SCNM1: variants seen among roughly 807,000 people sequenced by gnomAD.
The protein encoded by SCNM1 is sodium channel modifier 1.
SCNM1 carries 24 observed loss-of-function variants against 32.8 expected under a neutral mutation model. The observed-to-expected ratio is 0.73, with a 90% CI of 0.53 to 1.03. The LOEUF is 1.03. Among genes scored for constraint, SCNM1 ranks in the 50% least tolerant of loss-of-function variants. SCNM1 has a pLI of 0.00. For missense variants in SCNM1, 274 were observed against 282.3 expected (o/e 0.97, Z 0.21); for synonymous variants, 99 against 103.2 (o/e 0.96, Z 0.25).
Position 151,169,286 on chromosome 1 carries a change from C to A in SCNM1, c.*201C>A. The A allele has an allele frequency of 3.9e-6, 2 of 513,682 alleles. No homozygotes were observed. Among genetic ancestry groups the A allele is most frequent in the South Asian group, 5.5e-5 (2 of 36,342 alleles). 31.8% of individuals were successfully genotyped at this position (513,682 alleles called of 1,614,324 possible). On this transcript the variant is annotated 3_prime_UTR_variant, in exon 7 of 7. Coordinates refer to ENST00000368905, the MANE Select transcript of SCNM1 (RefSeq NM_024041.4). ...TTGAGGCAGAGTCTCGCTCTATCGC[C>A]CAGGCTGGAGTGCAGTGGCACGATC...
At chr1:151,166,752 T>G (rs1304734796) in intron 2 of SCNM1, 182 bp from the exon 3 acceptor site, 25 of 1,220,192 alleles carry the variant, frequency 2.0e-5, no homozygotes, top group Non-Finnish European at 8.9e-6. Context: ...CTTTTGTTAT[T>G]AATTAGGACA....
intron 2 of SCNM1, 27 bp from the exon 3 acceptor site, chr1:151,166,907 C>CT: frequency 1.2e-6 from 2 of 1,613,590 alleles, no homozygotes; most frequent in Non-Finnish European, 1.7e-6. Flanking sequence ...CCCTGGACCA[C>CT]TTATCCTCTT....
intron 6 of SCNM1, 43 bp from the exon 7 acceptor site, chr1:151,168,943 A>G (rs1474537151): frequency 1.2e-6 from 2 of 1,610,920 alleles, no homozygotes; most frequent in Admixed American, 3.3e-5. Context: ...ACTTCTTAAT[A>G]AGCCTCTTTC....
At position 151,167,232 on chromosome 1, in the gene SCNM1, G is replaced by A. The variant is rs752505861; in HGVS notation, c.309+14G>A. ...ACCAAAGCTGAGGTAATCAGAGAGT[G>A]GAGAGTGTGTTCTAGGCAAGACCCT... On this transcript the variant is annotated intron_variant, in intron 4 of 6. Coordinates refer to ENST00000368905, the MANE Select transcript of SCNM1 (RefSeq NM_024041.4). 1.2e-6 allele frequency: 2 copies of A among 1,614,160 alleles called. No individual in the cohort carries two copies. Among genetic ancestry groups the A allele is most frequent in the Non-Finnish European group, 1.7e-6 (2 of 1,180,018 alleles).
At chr1:151,166,758 G>A (rs944817320) in intron 2 of SCNM1, 176 bp from the exon 3 acceptor site, 21 of 1,228,102 alleles carry the variant, frequency 1.7e-5, no homozygotes, top group Non-Finnish European at 2.2e-5. Flanking sequence ...TTATTAATTA[G>A]GACAGCAGGA....
intron 6 of SCNM1, 104 bp downstream of exon 6, chr1:151,168,442 C>T: frequency 7.0e-7 from 1 of 1,421,922 alleles, no homozygotes; most frequent in Non-Finnish European, 9.2e-7. Context: ...GAGTTTCACT[C>T]TTGTTGCCCC....
rs1254980551 is a variant in SCNM1, at chr1:151,168,157, G to A, written c.412G>A (p.Gly138Ser). The change falls in exon 6 of 7, where the codon GGT (glycine) becomes AGT (serine). Residue 138 changes from glycine (G) to serine (S), a missense_variant. Transcript: ENST00000368905. ...CRRKYRPEAP[G>S]PSVSLSPMPP... ...TTCTCTACCTAGACCAGAAGCCCCT[G>A]GTCCCTCTGTCTCCCTTTCCCCTAT... The A allele has an allele frequency of 6.2e-7, 1 of 1,612,796 alleles. No individual in the cohort carries two copies. The highest frequency in any genetic ancestry group is 1.7e-5 in the Admixed American group (1 of 59,732).
Position 151,169,999 on chromosome 1 carries a change from C to T in SCNM1, c.*914C>T. ...GAGGCAGGCAAAATGGATAGAAGGG[C>T]TTTTATTTACAGGAAAGGAGGACAG... is the stretch of plus-strand genomic sequence containing the variant. On this transcript the variant is annotated 3_prime_UTR_variant, in exon 7 of 7. Coordinates refer to ENST00000368905, the MANE Select transcript of SCNM1 (RefSeq NM_024041.4). 6.4e-7 allele frequency: 1 copy of T among 1,551,590 alleles called. No homozygotes were observed. The highest frequency in any genetic ancestry group is 8.9e-7 in the Non-Finnish European group (1 of 1,124,438).
At chr1:151,167,525 A>C (rs767996245) in intron 5 of SCNM1, 111 bp downstream of exon 5, 2 of 1,471,206 alleles carry the variant, frequency 1.4e-6, no homozygotes, top group Non-Finnish European at 1.9e-6. Flanking sequence ...GATGTTACTT[A>C]GTGTTTCAAG....
intron 5 of SCNM1, 73 bp from the exon 6 acceptor site, chr1:151,168,071 T>C: frequency 3.5e-6 from 5 of 1,440,548 alleles, no homozygotes; most frequent in Non-Finnish European, 3.7e-6. Flanking sequence ...AAGCACTGTT[T>C]TAAGAGGTTG....
chr1:151,169,466 G>A lies in SCNM1; in HGVS notation c.*381G>A, dbSNP rs1268850906. On this transcript the variant is annotated 3_prime_UTR_variant, in exon 7 of 7. Transcript: ENST00000368905. ...TCACTGTGTTAGCCAGGATGGTCTC[G>A]ATCTCCTGACCTCGTGATCCGCCCA... 1.7e-5 allele frequency: 3 copies of A among 174,548 alleles called. No homozygotes were observed. Among genetic ancestry groups the A allele is most frequent in the Non-Finnish European group, 3.7e-5 (3 of 80,582 alleles). The allele number at this position is 174,548 out of a possible 1,614,324, so 10.8% of individuals were successfully genotyped here.
chr1:151,167,903 C>G, intron 5 of SCNM1: 1 of 424,448 alleles, frequency 2.4e-6, no homozygotes, highest in Non-Finnish European at 4.1e-6. Context: ...GGAAATGGCA[C>G]TTTGTAATTC....
chr1:151,169,727 A>G lies in SCNM1; in HGVS notation c.*642A>G, dbSNP rs41299609. The G allele has an allele frequency of 0.012, 3,624 of 300,050 alleles. 77 individuals carry two copies. The highest frequency in any genetic ancestry group is 0.049 in the African/African-American group (2,257 of 46,372). 18.6% of individuals were successfully genotyped at this position (300,050 alleles called of 1,614,324 possible). A position where few individuals can be genotyped will look rare whatever the true frequency, so the allele number is the denominator to read the frequency against. On this transcript the variant is annotated 3_prime_UTR_variant, in exon 7 of 7. Coordinates refer to ENST00000368905, the MANE Select transcript of SCNM1 (RefSeq NM_024041.4). ...CCCCTTCAAATCACATAAGGACTGC[A>G]GGTAGGCACTAGGGGGACCTGGCCA...
intron 2 of SCNM1, 127 bp downstream of exon 2, chr1:151,166,668 A>G (rs1044168216): frequency 4.2e-6 from 6 of 1,438,764 alleles, no homozygotes; most frequent in Non-Finnish European, 5.6e-6. Flanking sequence ...TCTAGGGCTC[A>G]AGTGATCCTG....
Position 151,166,144 on chromosome 1 carries a change from A to G in SCNM1, c.-9A>G, listed in dbSNP as rs1377486800. 1 of 1,593,530 alleles carries G rather than the reference A, an allele frequency of 6.3e-7. No homozygotes were observed. Among genetic ancestry groups the G allele is most frequent in the Admixed American group, 1.7e-5 (1 of 58,686 alleles). Reference sequence around the variant, plus strand: ...AGAGAATTTATCACTTCTGGGACTCACAGTCGTGATGTCTTTCAAGAGGGA... The same window carrying G: ...AGAGAATTTATCACTTCTGGGACTCGCAGTCGTGATGTCTTTCAAGAGGGA... On this transcript the variant is annotated 5_prime_UTR_variant, in exon 1 of 7. Transcript: ENST00000368905.
At chr1:151,166,764 C>A in intron 2 of SCNM1, 170 bp from the exon 3 acceptor site, 1 of 1,235,488 alleles carries the variant, frequency 8.1e-7, no homozygotes. Flanking sequence ...ATTAGGACAG[C>A]AGGAGTACCT....
rs1204773832 is a variant in SCNM1 at position 151,167,328 on chromosome 1, T to C, written c.312T>C (p.Ala104=). The C allele has an allele frequency of 1.2e-6, 2 of 1,613,922 alleles. No individual in the cohort carries two copies. The highest frequency in any genetic ancestry group is 2.7e-5 in the African/African-American group (2 of 74,874). The change falls in exon 5 of 7, where the codon GCT becomes GCC. Residue 104 remains alanine (A), a splice_region_variant and synonymous_variant. Coordinates refer to ENST00000368905, the MANE Select transcript of SCNM1 (RefSeq NM_024041.4). Reference sequence around the variant, plus strand: ...TCTGTCTCCCATCTCCTTACCAGGCTCCTCTGCTAACTCAGACACGACTTA... The same window carrying C: ...TCTGTCTCCCATCTCCTTACCAGGCCCCTCTGCTAACTCAGACACGACTTA... ...ELRREETKAE[A]PLLTQTRLIT...
chr1:151,170,064 T>C lies in SCNM1; in HGVS notation c.*979T>C, dbSNP rs376422564. On this transcript the variant is annotated 3_prime_UTR_variant, in exon 7 of 7. Coordinates refer to ENST00000368905, the MANE Select transcript of SCNM1 (RefSeq NM_024041.4). ...GTCCAGTGCTCCCAGCGCTAGTTGGTAAAGGGAAATGCAGTGTTATCTCTT... is the reference window on the plus strand; with the variant it reads ...GTCCAGTGCTCCCAGCGCTAGTTGGCAAAGGGAAATGCAGTGTTATCTCTT... The C allele has an allele frequency of 5.8e-4, 930 of 1,614,050 alleles. 3 individuals carry two copies. Among genetic ancestry groups the C allele is most frequent in the South Asian group, 5.4e-3 (493 of 91,070 alleles).
At chr1:151,166,640 C>T in intron 2 of SCNM1, 99 bp downstream of exon 2, 1 of 1,515,326 alleles carries the variant, frequency 6.6e-7, no homozygotes, top group Admixed American at 2.1e-5. Flanking sequence ...CGCGGTGCTG[C>T]CCAGGCTGCC....
Sources: gnomAD v4.1 joint callset for allele counts on GRCh38, gnomAD v4.1.1 for gene constraint, MANE v1.5 for transcripts, NCBI Gene and HGNC (gene_info 2026-07-23, HGNC 2026-07-21) for gene names.